The following PHIP variants were observed in gnomAD, a reference collection of about 807,000 sequenced individuals.
The protein encoded by PHIP is PH-interacting protein.
A neutral mutation model predicts 236.8 loss-of-function variants in PHIP; 54 were observed. The ratio of observed to expected loss-of-function variants is 0.23; its 90% CI spans 0.18 to 0.29. PHIP has a LOEUF of 0.29. Among genes scored for constraint, PHIP ranks in the 10% least tolerant of loss-of-function variants. The pLI, the probability that PHIP is intolerant of heterozygous loss-of-function variation, is 1.00. For missense variants in PHIP, 1,370 were observed against 2,190.8 expected (o/e 0.63, Z 7.48); for synonymous variants, 756 against 718.9 (o/e 1.05, Z -0.83).
At chr6:78,971,687 G>T (rs527299497) in intron 24 of PHIP, among the ~76,000 whole-genome samples, 1 of 152,118 alleles carries the variant, frequency 6.6e-6, no homozygotes, top group Non-Finnish European at 1.5e-5. Flanking sequence ...TGTGCGAGCC[G>T]AAGTAGGGTG....
At chr6:79,062,931 T>C (rs72904880) in intron 4 of PHIP, among the ~76,000 whole-genome samples, 2 of 152,208 alleles carry the variant, frequency 1.3e-5, no homozygotes, top group Non-Finnish European at 2.9e-5. Context: ...TGCCCCTTTT[T>C]GGACACTTTG....
At chr6:78,945,643 G>A in intron 38 of PHIP, 146 bp from the exon 39 acceptor site, 5 of 642,978 alleles carry the variant, frequency 7.8e-6, no homozygotes, top group Non-Finnish European at 1.4e-5. Context: ...TTTCTAATAG[G>A]AAAAAGGCGT....
intron 38 of PHIP, 55 bp downstream of exon 38, chr6:78,945,946 A>G: frequency 1.5e-6 from 2 of 1,316,942 alleles, no homozygotes; most frequent in Non-Finnish European, 2.2e-6. Context: ...GGCAAAGTAA[A>G]AGCTTAAATT....
At chr6:78,971,646 A>G (rs1562137351) in intron 24 of PHIP, among the ~76,000 whole-genome samples, 1 of 152,100 alleles carries the variant, frequency 6.6e-6, no homozygotes, top group Non-Finnish European at 1.5e-5. Context: ...AGTGCCAGAC[A>G]GTGGGCGCAG....
In PHIP at chr6:78,935,812, A is replaced by C; in HGVS notation, c.*4881T>G. The stretch of plus-strand genomic sequence containing the variant: ...GTTGAGATTATGTACTAAGTGCTTT[A>C]TGTGATGCCAAAAAACTTTAAAAAG... On this transcript the variant is annotated 3_prime_UTR_variant, in exon 40 of 40. Coordinates refer to ENST00000275034, the MANE Select transcript of PHIP (RefSeq NM_017934.7). 1 of 899,406 alleles carries C rather than the reference A, an allele frequency of 1.1e-6. No individual in the cohort carries two copies. Among genetic ancestry groups the C allele is most frequent in the Non-Finnish European group, 1.3e-6 (1 of 751,502 alleles). 55.7% of individuals were successfully genotyped at this position (899,406 alleles called of 1,614,324 possible).
At position 78,942,317 on chromosome 6, in the gene PHIP, T is replaced by C. The variant is rs550738909; in HGVS notation, c.4829-987A>G. Among the ~76,000 whole-genome samples, 3 of 152,286 alleles carry C rather than the reference T, an allele frequency of 2.0e-5. No individual in the cohort carries two copies. In the East Asian group the frequency reaches 5.8e-4, roughly 29 times the overall value. On this transcript the variant is annotated intron_variant, in intron 39 of 39. Coordinates refer to ENST00000275034, the MANE Select transcript of PHIP (RefSeq NM_017934.7). ...GGCCAACATGGCGAAACCCCGTCTC[T>C]ACTAAAAGTACAAAAAGTAGCTGGG...
chr6:79,011,235 ATAC>A (rs1376063058), intron 15 of PHIP, among the ~76,000 whole-genome samples: 1 of 151,928 alleles, frequency 6.6e-6, no homozygotes, highest in East Asian at 1.9e-4. Context: ...ATCCAAATAT[ATAC>A]TACATTTCCT....
At chr6:78,945,574 T>G in intron 38 of PHIP, 77 bp from the exon 39 acceptor site, 2 of 899,340 alleles carry the variant, frequency 2.2e-6, no homozygotes, top group African/African-American at 1.7e-5. Flanking sequence ...CCTGAATTAT[T>G]TGAATTAGCC....
chr6:79,059,462 C>T (rs1196545123), intron 6 of PHIP, among the ~76,000 whole-genome samples: 1 of 151,436 alleles, frequency 6.6e-6, no homozygotes, highest in Admixed American at 6.6e-5. Flanking sequence ...AACCCAAGTA[C>T]ATCAATGATT....
At chr6:78,952,205 G>A (rs540645490) in intron 35 of PHIP, among the ~76,000 whole-genome samples, 4 of 151,988 alleles carry the variant, frequency 2.6e-5, no homozygotes, top group East Asian at 3.9e-4. Context: ...CAGATCACAA[G>A]GTCAAGAGAT....
At chr6:79,037,266 C>A (rs1013128051) in intron 7 of PHIP, among the ~76,000 whole-genome samples, 2 of 152,136 alleles carry the variant, frequency 1.3e-5, no homozygotes, top group African/African-American at 4.8e-5. Flanking sequence ...ACAGGCCTTA[C>A]AATCTGCAGG....
chr6:78,982,772 CTAT>C (rs1768623445), intron 23 of PHIP, 111 bp downstream of exon 23: 1 of 635,770 alleles, frequency 1.6e-6, no homozygotes, highest in Non-Finnish European at 2.6e-6. Flanking sequence ...TGAGTTTTTT[CTAT>C]TATTATTTGC....
chr6:78,969,129 C>T (rs1235636608), intron 27 of PHIP, among the ~76,000 whole-genome samples: 3 of 152,142 alleles, frequency 2.0e-5, no homozygotes, highest in Admixed American at 2.0e-4. Flanking sequence ...CTTCCATGTC[C>T]ATAATTTTGA....
At chr6:78,961,891 TAA>T in intron 30 of PHIP, 81 bp from the exon 31 acceptor site, 1 of 1,062,962 alleles carries the variant, frequency 9.4e-7, no homozygotes, top group Non-Finnish European at 1.4e-6. Context: ...AATTAAGACT[TAA>T]AAAGTCCTAA....
chr6:78,947,909 T>C (rs1773915249), intron 35 of PHIP, 134 bp from the exon 36 acceptor site: 2 of 481,070 alleles, frequency 4.2e-6, no homozygotes, highest in South Asian at 5.6e-5. Flanking sequence ...GTTCCCCTTA[T>C]CAAGAGTCCC....
chr6:79,053,840 C>T (rs1210417246), intron 6 of PHIP, among the ~76,000 whole-genome samples: 4 of 152,132 alleles, frequency 2.6e-5, no homozygotes, highest in African/African-American at 4.8e-5. Flanking sequence ...ACTGGAATTG[C>T]TTGCCAGATG....
intron 7 of PHIP, among the ~76,000 whole-genome samples, chr6:79,041,627 T>C (rs1435494708): frequency 2.6e-5 from 4 of 152,076 alleles, no homozygotes; most frequent in Admixed American, 1.3e-4. Context: ...AATATACCCA[T>C]ATTAAACTTG....
intron 19 of PHIP, among the ~76,000 whole-genome samples, chr6:78,997,016 A>T (rs1479081239): frequency 6.7e-6 from 1 of 148,250 alleles, no homozygotes; most frequent in Non-Finnish European, 1.5e-5. Context: ...TTTCCAATTT[A>T]TTTTTTTTTT....
chr6:79,072,352 C>T (rs1183693543), intron 4 of PHIP, among the ~76,000 whole-genome samples: 2 of 152,178 alleles, frequency 1.3e-5, no homozygotes, highest in African/African-American at 4.8e-5. Context: ...AAATCAGTAG[C>T]ACAATTTTTC....
Sources: gnomAD v4.1 joint callset for allele counts (sites outside exome capture counted in the v4.1 genomes callset) on GRCh38, gnomAD v4.1.1 for gene constraint, MANE v1.5 for transcripts, NCBI Gene and HGNC (gene_info 2026-07-23, HGNC 2026-07-21) for gene names.